ANGPT1: variants seen among roughly 807,000 people sequenced by gnomAD.
ANGPT1 encodes angiopoietin 1.
In ANGPT1, 17 loss-of-function variants were observed where a neutral mutation model predicts 62.2. That is an observed-to-expected ratio of 0.27 (90% CI 0.19 to 0.41). The LOEUF is 0.41. Among genes scored for constraint, ANGPT1 ranks in the 10% least tolerant of loss-of-function variants. The pLI, the probability that ANGPT1 is intolerant of heterozygous loss-of-function variation, is 1.00. For synonymous variants in ANGPT1, 199 were observed against 198.9 expected, an observed-to-expected ratio of 1.00 and a Z score of 0.00; for missense variants, 478 against 594.9, an observed-to-expected ratio of 0.80 and a Z score of 2.04.
At chr8:107,434,006 T>C (rs756695035) in intron 1 of ANGPT1, among the ~76,000 whole-genome samples, 6 of 152,224 alleles carry the variant, frequency 3.9e-5, no homozygotes, top group Non-Finnish European at 7.3e-5. Flanking sequence ...TCCTTTCCTA[T>C]ACTAAGTTTG....
chr8:107,446,030 G>C, intron 1 of ANGPT1, among the ~76,000 whole-genome samples: 1 of 152,146 alleles, frequency 6.6e-6, no homozygotes, highest in East Asian at 1.9e-4. Flanking sequence ...CGATTCTTCT[G>C]CCTCAGCCTC....
chr8:107,288,071 C>A (rs1048502233), intron 6 of ANGPT1, among the ~76,000 whole-genome samples: 4 of 152,034 alleles, frequency 2.6e-5, no homozygotes, highest in African/African-American at 7.2e-5. Flanking sequence ...AAAGAATAAT[C>A]TTGGGTCTTG....
At chr8:107,304,006 T>C (rs1814656694) in intron 4 of ANGPT1, among the ~76,000 whole-genome samples, 1 of 151,826 alleles carries the variant, frequency 6.6e-6, no homozygotes. Flanking sequence ...CTACCTACAA[T>C]GAAAATGAAA....
intron 1 of ANGPT1, among the ~76,000 whole-genome samples, chr8:107,396,026 G>C (rs1816927262): frequency 6.6e-6 from 1 of 152,144 alleles, no homozygotes; most frequent in African/African-American, 2.4e-5. Flanking sequence ...AAGTGCTTCA[G>C]AACCTGAATG....
At chr8:107,255,299 T>C (rs1813331974) in intron 8 of ANGPT1, among the ~76,000 whole-genome samples, 1 of 152,160 alleles carries the variant, frequency 6.6e-6, no homozygotes, top group South Asian at 2.1e-4. Context: ...ATATAGTCTG[T>C]ACTCTGGAAG....
At chr8:107,283,424 C>T (rs1814063417) in intron 7 of ANGPT1, among the ~76,000 whole-genome samples, 1 of 151,618 alleles carries the variant, frequency 6.6e-6, no homozygotes. Context: ...TACTATTTGT[C>T]GAGAAAATGA....
At chr8:107,270,646 T>C (rs1365434066) in intron 7 of ANGPT1, among the ~76,000 whole-genome samples, 1 of 152,034 alleles carries the variant, frequency 6.6e-6, no homozygotes, top group Non-Finnish European at 1.5e-5. Flanking sequence ...TTTCACATCC[T>C]GGAGATATAT....
intron 1 of ANGPT1, among the ~76,000 whole-genome samples, chr8:107,464,095 C>T (rs757976965): frequency 3.9e-5 from 6 of 152,102 alleles, no homozygotes; most frequent in African/African-American, 1.4e-4. Context: ...ACCAGCCAAC[C>T]TCAGTTATTT....
intron 6 of ANGPT1, among the ~76,000 whole-genome samples, chr8:107,292,995 C>T (rs934373418): frequency 2.0e-5 from 3 of 152,054 alleles, no homozygotes; most frequent in African/African-American, 4.8e-5. Flanking sequence ...ATTACTATGC[C>T]TTTACATTCT....
chr8:107,338,958 A>T (rs1325128409), intron 2 of ANGPT1, among the ~76,000 whole-genome samples: 2 of 152,218 alleles, frequency 1.3e-5, no homozygotes, highest in African/African-American at 2.4e-5. Flanking sequence ...CAAGCATATC[A>T]TATGCAGTTA....
intron 1 of ANGPT1, among the ~76,000 whole-genome samples, chr8:107,451,576 A>T (rs985269407): frequency 6.6e-5 from 10 of 151,960 alleles, no homozygotes; most frequent in African/African-American, 2.4e-4. Flanking sequence ...CATTTTCTCA[A>T]AGTGACTAAA....
rs895883813 is a variant in ANGPT1, at chr8:107,359,256, T to G, written c.298-12159A>C. On this transcript the variant is annotated intron_variant, in intron 1 of 8. Transcript: ENST00000517746. ...CTTTCAGATTCCTGTTACCCTGAGT[T>G]CTAGCTCAGACACAAGAAGGAACAA... Among the ~76,000 whole-genome samples the G allele has an allele frequency of 6.6e-5, 10 of 152,148 alleles. No individual in the cohort carries two copies. The East Asian group carries it at 1.9e-3, about 29-fold the overall frequency.
At chr8:107,285,702 T>C (rs747741913) in intron 6 of ANGPT1, among the ~76,000 whole-genome samples, 4 of 152,120 alleles carry the variant, frequency 2.6e-5, no homozygotes, top group Middle Eastern at 3.4e-3. Flanking sequence ...GTTGGAGATG[T>C]TAGTGATAGG....
At chr8:107,449,398 ATG>A (rs1491251645) in intron 1 of ANGPT1, among the ~76,000 whole-genome samples, 18 of 77,474 alleles carry the variant, frequency 2.3e-4, no homozygotes, top group African/African-American at 3.7e-4. Flanking sequence ...ACACACACAC[ATG>A]CACACACACA....
At chr8:107,336,384 C>G in intron 2 of ANGPT1, 113 bp from the exon 3 acceptor site, 1 of 1,408,478 alleles carries the variant, frequency 7.1e-7, no homozygotes. Context: ...AATGGTTTAC[C>G]GCCGGGCGCA....
intron 1 of ANGPT1, among the ~76,000 whole-genome samples, chr8:107,436,169 G>T (rs1260950009): frequency 2.6e-5 from 4 of 152,194 alleles, no homozygotes; most frequent in Non-Finnish European, 5.9e-5. Flanking sequence ...GCCTCCCAAA[G>T]TGCTGGGGTT....
chr8:107,411,493 A>G (rs553927468), intron 1 of ANGPT1, among the ~76,000 whole-genome samples: 3 of 152,324 alleles, frequency 2.0e-5, no homozygotes, highest in South Asian at 4.1e-4. Flanking sequence ...GCAAAAATAC[A>G]CATAAATAGA....
intron 4 of ANGPT1, among the ~76,000 whole-genome samples, chr8:107,320,398 C>G (rs1342846866): frequency 2.0e-5 from 3 of 152,144 alleles, no homozygotes; most frequent in Admixed American, 1.3e-4. Flanking sequence ...ATAAAAACCA[C>G]TATTCCACTC....
At chr8:107,252,560 C>A (rs1321536759) in intron 8 of ANGPT1, among the ~76,000 whole-genome samples, 3 of 152,140 alleles carry the variant, frequency 2.0e-5, no homozygotes, top group Admixed American at 2.0e-4. Flanking sequence ...TGTGCAATGA[C>A]TATGATGCTC....
Sources: allele counts gnomAD v4.1 joint callset (sites outside exome capture counted in the v4.1 genomes callset), GRCh38; gene constraint gnomAD v4.1.1; transcripts MANE v1.5; gene names NCBI Gene and HGNC (gene_info 2026-07-23, HGNC 2026-07-21).